Variants in OR10J1 observed in about 807,000 individuals in gnomAD.
OR10J1 encodes the protein olfactory receptor family 10 subfamily J member 1.
For synonymous variants in OR10J1, 202 were observed against 143.8 expected (o/e 1.40, Z -2.89); for missense variants, 474 against 376.6 (o/e 1.26, Z -2.14).
In OR10J1 at chr1:159,440,004, T is replaced by G; in HGVS notation, c.213T>G (p.Thr71=). ...FFLSMLSTSE[T]VYTLVILPRM... ...TGAGCATGCTGTCCACTTCAGAGAC[T>G]GTATATACATTGGTCATTCTCCCAA... is the stretch of plus-strand genomic sequence containing the variant. Residue 71 remains threonine (T), a synonymous_variant, in exon 1 of 1, where the codon ACT becomes ACG. Transcript: ENST00000423932. 1 of 1,614,196 alleles carries G rather than the reference T, an allele frequency of 6.2e-7. No individual in the cohort carries two copies. Among genetic ancestry groups the G allele is most frequent in the East Asian group, 2.2e-5 (1 of 44,884 alleles).
At position 159,440,543 on chromosome 1, in the gene OR10J1, A is replaced by T; in HGVS notation, c.752A>T (p.Tyr251Phe). Residue 251 changes from tyrosine to phenylalanine, a missense_variant, in exon 1 of 1, where the codon TAC becomes TTC. Tyr to Phe is a conservative substitution (Grantham distance 22). Coordinates refer to ENST00000423932, the MANE Select transcript of OR10J1 (RefSeq NM_012351.3). The stretch of plus-strand genomic sequence containing the variant: ...CACCTCACTGTGGTCATTGTCCACT[A>T]CAGCTGTGCCTCCATTGCCTACCTC... ...ASHLTVVIVH[Y>F]SCASIAYLKP... is the part of the protein sequence containing the mutation. 1 of 1,614,026 alleles carries T rather than the reference A, an allele frequency of 6.2e-7. No individual in the cohort carries two copies. The highest frequency in any genetic ancestry group is 2.2e-5 in the East Asian group (1 of 44,868).
the OR10J1 span, among the ~76,000 whole-genome samples, chr1:159,400,927 G>T: frequency 6.6e-6 from 1 of 151,872 alleles, no homozygotes; most frequent in African/African-American, 2.4e-5. Context: ...ATCTTCTCTG[G>T]CCAAAAGGGG....
At chr1:159,416,301 A>C in the OR10J1 span, among the ~76,000 whole-genome samples, 1 of 151,918 alleles carries the variant, frequency 6.6e-6, no homozygotes, top group African/African-American at 2.4e-5. Flanking sequence ...CATTCAGTAC[A>C]ATGTTAGCTG....
chr1:159,405,993 A>ATT, the OR10J1 span: 3 of 446,036 alleles, frequency 6.7e-6, no homozygotes, highest in East Asian at 1.4e-4. Flanking sequence ...GTTGCAGAAG[A>ATT]CCACATAGCA....
upstream of OR10J1, among the ~76,000 whole-genome samples, chr1:159,436,743 T>C (rs959998755): frequency 6.6e-6 from 1 of 152,094 alleles, no homozygotes; most frequent in Non-Finnish European, 1.5e-5. Context: ...ACAGGAGAGA[T>C]AAGCGAGAAT....
the OR10J1 span, among the ~76,000 whole-genome samples, chr1:159,401,517 C>G: frequency 4.6e-5 from 7 of 151,814 alleles, no homozygotes; most frequent in African/African-American, 1.7e-4. Context: ...TGAACAAATA[C>G]TTAGGTAGAT....
At chr1:159,433,792 G>C (rs55893685), upstream of OR10J1, among the ~76,000 whole-genome samples, 10,138 of 152,144 alleles carry the variant, frequency 0.067, 732 homozygotes, top group East Asian at 0.42. Flanking sequence ...ATGTCTATGG[G>C]GCAATTATTC....
the OR10J1 span, among the ~76,000 whole-genome samples, chr1:159,405,063 T>G: frequency 6.6e-6 from 1 of 152,022 alleles, no homozygotes; most frequent in Non-Finnish European, 1.5e-5. Context: ...ATGGGCTCCA[T>G]AGGGTGAGGG....
upstream of OR10J1, among the ~76,000 whole-genome samples, chr1:159,437,311 G>C: frequency 6.6e-6 from 1 of 152,096 alleles, no homozygotes; most frequent in East Asian, 1.9e-4. Context: ...GCCCTCTGCA[G>C]AATGACGACC....
chr1:159,417,057 T>C, the OR10J1 span, among the ~76,000 whole-genome samples: 1 of 152,130 alleles, frequency 6.6e-6, no homozygotes, highest in African/African-American at 2.4e-5. Flanking sequence ...GTTTTTTAGG[T>C]CTCTATTTCA....
Position 159,439,925 on chromosome 1 carries a change from T to C in OR10J1, c.134T>C (p.Ile45Thr). The C allele has an allele frequency of 1.2e-6, 2 of 1,614,142 alleles. No homozygotes were observed. The highest frequency in any genetic ancestry group is 2.2e-5 in the East Asian group (1 of 44,888). Residue 45 changes from isoleucine to threonine, a missense_variant, in exon 1 of 1, where the codon ATT (isoleucine) becomes ACT (threonine). Coordinates refer to ENST00000423932, the MANE Select transcript of OR10J1 (RefSeq NM_012351.3). Reference protein sequence around the residue: ...YILTLAGNIIIVTIIRMDLHL... With the variant: ...YILTLAGNIITVTIIRMDLHL... Reference sequence around the variant, plus strand: ...TTAACCTTAGCAGGCAATATCATCATTGTGACCATCATCCGAATGGATCTT... The same window carrying C: ...TTAACCTTAGCAGGCAATATCATCACTGTGACCATCATCCGAATGGATCTT...
upstream of OR10J1, chr1:159,433,152 C>A: frequency 2.5e-6 from 1 of 402,882 alleles, no homozygotes; most frequent in South Asian, 1.2e-4. Flanking sequence ...CTGGTCAGTT[C>A]AATAACAATC....
At chr1:159,439,599 A>G, upstream of OR10J1, 1 of 671,406 alleles carries the variant, frequency 1.5e-6, no homozygotes, top group Non-Finnish European at 2.5e-6. Context: ...ATTATAACAG[A>G]TGGTCACAGA....
upstream of OR10J1, among the ~76,000 whole-genome samples, chr1:159,434,443 A>C (rs1015085917): frequency 6.6e-6 from 1 of 152,172 alleles, no homozygotes; most frequent in Non-Finnish European, 1.5e-5. Context: ...TTTTCATAAA[A>C]TACTTTGGTG....
Position 159,440,822 on chromosome 1 carries a change from A to C in OR10J1, c.*101A>C, listed in dbSNP as rs181160450. ...TTGGCTCCTAGAGACCTGCCCCTTAAATAAGAGGCAAAAGAGGAATAGCAG... is the reference window on the plus strand; with the variant it reads ...TTGGCTCCTAGAGACCTGCCCCTTACATAAGAGGCAAAAGAGGAATAGCAG... On this transcript the variant is annotated 3_prime_UTR_variant, in exon 1 of 1. Coordinates refer to ENST00000423932, the MANE Select transcript of OR10J1 (RefSeq NM_012351.3). 5.6e-5 allele frequency: 70 copies of C among 1,244,038 alleles called. 2 individuals are homozygous for C. In the East Asian group the frequency reaches 1.5e-3, roughly 28 times the overall value. The allele number at this position is 1,244,038 out of a possible 1,614,324, so 77.1% of individuals were successfully genotyped here.
chr1:159,408,913 G>A, the OR10J1 span, among the ~76,000 whole-genome samples: 1 of 151,988 alleles, frequency 6.6e-6, no homozygotes, highest in Non-Finnish European at 1.5e-5. Flanking sequence ...GTGCTTCATA[G>A]CAACATTAAA....
rs112577371 is a variant in OR10J1, at chr1:159,439,926, T to G, written c.135T>G (p.Ile45Met). 25 of 1,614,122 alleles carry G rather than the reference T, an allele frequency of 1.5e-5. No homozygotes were observed. The highest frequency in any genetic ancestry group is 1.2e-4 in the African/African-American group (9 of 75,040). The stretch of plus-strand genomic sequence containing the variant: ...TAACCTTAGCAGGCAATATCATCAT[T>G]GTGACCATCATCCGAATGGATCTTC... Reference protein sequence around the residue: ...YILTLAGNIIIVTIIRMDLHL... With the variant: ...YILTLAGNIIMVTIIRMDLHL... The change falls in exon 1 of 1, where the codon ATT (isoleucine) becomes ATG (methionine). Residue 45 changes from isoleucine to methionine, a missense_variant. Physicochemically the swap from Ile to Met is conservative, Grantham distance 10. Transcript: ENST00000423932.
the OR10J1 span, among the ~76,000 whole-genome samples, chr1:159,400,526 A>G: frequency 6.6e-6 from 1 of 150,610 alleles, no homozygotes; most frequent in Admixed American, 6.6e-5. Context: ...AGGGGATATA[A>G]CAATTTTCAA....
At chr1:159,407,923 T>C in the OR10J1 span, among the ~76,000 whole-genome samples, 1 of 151,764 alleles carries the variant, frequency 6.6e-6, no homozygotes, top group African/African-American at 2.4e-5. Context: ...AAAAGAAAGG[T>C]AAATGGGAGT....
Sources: gnomAD v4.1 joint callset for allele counts (sites outside exome capture counted in the v4.1 genomes callset) on GRCh38, gnomAD v4.1.1 for gene constraint, MANE v1.5 for transcripts, NCBI Gene and HGNC (gene_info 2026-07-23, HGNC 2026-07-21) for gene names.